The following RAB27A variants were observed in gnomAD, a reference collection of about 807,000 sequenced individuals.
The protein encoded by RAB27A is ras-related protein Rab-27A.
Under a neutral mutation model 20.8 loss-of-function variants are expected in RAB27A, and 17 were observed. The ratio of observed to expected loss-of-function variants is 0.82; its 90% CI spans 0.56 to 1.23. RAB27A has a LOEUF of 1.23. Ranked by LOEUF, RAB27A falls within the 50% of genes most tolerant of loss-of-function variation. RAB27A has a pLI of 0.00. For synonymous variants in RAB27A, 85 were observed against 92.8 expected (o/e 0.92, Z 0.48); for missense variants, 277 against 266.7 (o/e 1.04, Z -0.27).
At chr15:55,316,039 C>T (rs945542042) in intron 1 of RAB27A, among the ~76,000 whole-genome samples, 2 of 152,126 alleles carry the variant, frequency 1.3e-5, no homozygotes, top group African/African-American at 4.8e-5. Context: ...TGAAACCATT[C>T]TGGCCAAAAT....
intron 2 of RAB27A, among the ~76,000 whole-genome samples, chr15:55,306,477 G>T (rs892470785): frequency 6.6e-6 from 1 of 152,184 alleles, no homozygotes; most frequent in African/African-American, 2.4e-5. Context: ...ACTCAGGTCA[G>T]TTGGGAGATT....
At chr15:55,268,618 C>G (rs929566512) in intron 2 of RAB27A, among the ~76,000 whole-genome samples, 3 of 152,124 alleles carry the variant, frequency 2.0e-5, no homozygotes, top group Non-Finnish European at 4.4e-5. Flanking sequence ...TACACACTCA[C>G]AAAGCTAGAT....
At chr15:55,268,519 C>G (rs1177546736) in intron 2 of RAB27A, among the ~76,000 whole-genome samples, 1 of 152,198 alleles carries the variant, frequency 6.6e-6, no homozygotes, top group Non-Finnish European at 1.5e-5. Flanking sequence ...TGTGGTTAGG[C>G]TGTCCATGTG....
At chr15:55,286,912 C>CTTTTTTTTT (rs35313703) in intron 1 of RAB27A, among the ~76,000 whole-genome samples, 2 of 57,138 alleles carry the variant, frequency 3.5e-5, no homozygotes, top group African/African-American at 1.2e-4. Context: ...TAGATGTATT[C>CTTTTTTTTT]TTTTTTTTTT....
At chr15:55,219,644 T>G (rs1000857278) in intron 6 of RAB27A, among the ~76,000 whole-genome samples, 11 of 152,242 alleles carry the variant, frequency 7.2e-5, no homozygotes, top group African/African-American at 2.7e-4. Context: ...AGAGGAATGT[T>G]GCCAATATTT....
intron 5 of RAB27A, 55 bp from the exon 6 acceptor site, chr15:55,224,067 C>G (rs1239047662): frequency 1.4e-6 from 2 of 1,379,842 alleles, no homozygotes; most frequent in Non-Finnish European, 2.0e-6. Context: ...AGTGTATGAT[C>G]AGTGAACAAT....
chr15:55,212,674 C>T (rs1005318767), intron 6 of RAB27A, among the ~76,000 whole-genome samples: 14 of 151,912 alleles, frequency 9.2e-5, no homozygotes, highest in African/African-American at 3.4e-4. Flanking sequence ...GGATTACAGG[C>T]GGCTGCCACC....
At chr15:55,271,427 C>T (rs1897702345) in intron 1 of RAB27A, among the ~76,000 whole-genome samples, 1 of 152,214 alleles carries the variant, frequency 6.6e-6, no homozygotes, top group South Asian at 2.1e-4. Flanking sequence ...GCACAGGTGT[C>T]TGTGGTTCAA....
intron 1 of RAB27A, among the ~76,000 whole-genome samples, chr15:55,285,362 G>GT (rs1413871631): frequency 2.0e-5 from 3 of 148,520 alleles, no homozygotes; most frequent in East Asian, 1.9e-4. Flanking sequence ...AGCATTCCTC[G>GT]TAAGAGAGGC....
chr15:55,277,414 G>A (rs1396282721), intron 1 of RAB27A, among the ~76,000 whole-genome samples: 7 of 152,208 alleles, frequency 4.6e-5, no homozygotes, highest in Non-Finnish European at 1.0e-4. Context: ...AGGCAGAGGC[G>A]GGCAGGTCAC....
rs199702031 is a variant in RAB27A, at chr15:55,224,022, T to C, written c.344-10A>G. 2.3e-5 allele frequency: 35 copies of C among 1,543,018 alleles called. No homozygotes were observed. In the East Asian group the frequency reaches 6.1e-4, roughly 27 times the overall value. ...TGCATCTGTAGCTGGCCTATTAATA[T>C]AAGAAAGTTTATTATATATGTAAAT... is the stretch of plus-strand genomic sequence containing the variant. On this transcript the variant is annotated splice_polypyrimidine_tract_variant and intron_variant, in intron 5 of 6. Transcript: ENST00000336787.
intron 2 of RAB27A, among the ~76,000 whole-genome samples, chr15:55,262,079 A>G (rs1439557762): frequency 1.3e-5 from 2 of 151,764 alleles, no homozygotes; most frequent in African/African-American, 4.8e-5. Flanking sequence ...TTTCATGAAG[A>G]TATTGTACAT....
At position 55,243,085 on chromosome 15, in the gene RAB27A, T is replaced by C. The variant is rs553042998; in HGVS notation, c.-22-8129A>G. On this transcript the variant is annotated intron_variant, in intron 2 of 6. Coordinates refer to ENST00000336787, the MANE Select transcript of RAB27A (RefSeq NM_183235.3). ...GAGGTTGGGTTGAGGGATCTGTACTTCTGTGCTCAGAGTCCCTCTATCAAG... is the reference window on the plus strand; with the variant it reads ...GAGGTTGGGTTGAGGGATCTGTACTCCTGTGCTCAGAGTCCCTCTATCAAG... 5.3e-5 allele frequency among the ~76,000 whole-genome samples: 8 copies of C among 152,298 alleles called. No individual in the cohort carries two copies. The South Asian group carries it at 1.7e-3, about 32-fold the overall frequency.
intron 2 of RAB27A, among the ~76,000 whole-genome samples, chr15:55,309,843 T>C (rs181814686): frequency 6.6e-6 from 1 of 152,278 alleles, no homozygotes; most frequent in East Asian, 1.9e-4. Context: ...CAGGGGCTAC[T>C]GCACGGTTTT....
intron 2 of RAB27A, among the ~76,000 whole-genome samples, chr15:55,307,043 A>C (rs1384638465): frequency 6.6e-6 from 1 of 151,344 alleles, no homozygotes; most frequent in Admixed American, 6.6e-5. Context: ...CCAAGACTCC[A>C]CTCCAGCCAC....
At chr15:55,301,233 C>T (rs987272273) in intron 2 of RAB27A, among the ~76,000 whole-genome samples, 3 of 152,204 alleles carry the variant, frequency 2.0e-5, no homozygotes, top group African/African-American at 7.2e-5. Flanking sequence ...GCTGGGATCA[C>T]AGGCACAAAC....
At chr15:55,291,230 G>T (rs938176411), upstream of RAB27A, among the ~76,000 whole-genome samples, 1 of 152,184 alleles carries the variant, frequency 6.6e-6, no homozygotes, top group African/African-American at 2.4e-5. Flanking sequence ...AGAGAAAAAG[G>T]CCGGGTTAGG....
At chr15:55,243,451 T>G (rs1250888503) in intron 2 of RAB27A, among the ~76,000 whole-genome samples, 3 of 151,852 alleles carry the variant, frequency 2.0e-5, no homozygotes, top group African/African-American at 7.3e-5. Flanking sequence ...AGTAAGGAGT[T>G]CAAGACCAGC....
chr15:55,209,919 TACAC>T (rs140377385), intron 6 of RAB27A, among the ~76,000 whole-genome samples: 4 of 89,750 alleles, frequency 4.5e-5, no homozygotes, highest in East Asian at 2.6e-4. Context: ...TGTATGTATA[TACAC>T]ACATATATGT....
Sources: allele counts gnomAD v4.1 joint callset (sites outside exome capture counted in the v4.1 genomes callset), GRCh38; gene constraint gnomAD v4.1.1; transcripts MANE v1.5; gene names NCBI Gene and HGNC (gene_info 2026-07-23, HGNC 2026-07-21).